Variants in FSTL4 observed in about 807,000 individuals in gnomAD.
FSTL4 encodes the protein follistatin-related protein 4.
In FSTL4, 28 loss-of-function variants were observed where a neutral mutation model predicts 78.2. The observed-to-expected ratio is 0.36, with a 90% CI of 0.27 to 0.49. The LOEUF (loss-of-function observed/expected upper bound fraction) is 0.49. Ranked by LOEUF, FSTL4 falls within the 20% of genes least tolerant of loss-of-function variation. The pLI is 0.98. For synonymous variants in FSTL4, 422 were observed against 440.5 expected (o/e 0.96, Z 0.53); for missense variants, 922 against 1,084.9 (o/e 0.85, Z 2.11).
intron 2 of FSTL4, among the ~76,000 whole-genome samples, chr5:133,579,841 G>A (rs1760363439): frequency 6.6e-6 from 1 of 152,146 alleles, no homozygotes; most frequent in African/African-American, 2.4e-5. Flanking sequence ...ACAGAATTAG[G>A]GAGTCACAGA....
intron 3 of FSTL4, among the ~76,000 whole-genome samples, chr5:133,483,351 T>TG (rs2112860444): frequency 6.6e-6 from 1 of 152,288 alleles, no homozygotes; most frequent in East Asian, 1.9e-4. Context: ...GCAAAGGGCA[T>TG]GTGACAGAAG....
chr5:133,839,857 C>T, the FSTL4 span, among the ~76,000 whole-genome samples: 1 of 152,202 alleles, frequency 6.6e-6, no homozygotes, highest in Non-Finnish European at 1.5e-5. Context: ...TTTTAAAAGG[C>T]TTTTGTTTAC....
intron 6 of FSTL4, among the ~76,000 whole-genome samples, chr5:133,255,182 C>T (rs551955472): frequency 6.6e-6 from 1 of 152,312 alleles, no homozygotes; most frequent in African/African-American, 2.4e-5. Flanking sequence ...AGGGCTCAGC[C>T]AGACGCTGTG....
intron 3 of FSTL4, among the ~76,000 whole-genome samples, chr5:133,443,734 G>A (rs568473183): frequency 3.3e-4 from 50 of 152,276 alleles, no homozygotes; most frequent in African/African-American, 1.2e-3. Context: ...ACTGCCCATA[G>A]GGACCCTCCA....
the FSTL4 span, among the ~76,000 whole-genome samples, chr5:133,725,646 C>T: frequency 6.6e-5 from 10 of 152,220 alleles, no homozygotes; most frequent in Middle Eastern, 3.4e-3. Context: ...GGTAATAAAA[C>T]GTCATGATGG....
At chr5:133,496,200 T>C (rs1456703162) in intron 3 of FSTL4, among the ~76,000 whole-genome samples, 6 of 152,220 alleles carry the variant, frequency 3.9e-5, no homozygotes, top group Non-Finnish European at 7.3e-5. Context: ...GTAGAATGTA[T>C]GCAACTCTGT....
At chr5:133,303,069 T>C (rs1753583717) in intron 6 of FSTL4, among the ~76,000 whole-genome samples, 1 of 152,224 alleles carries the variant, frequency 6.6e-6, no homozygotes, top group South Asian at 2.1e-4. Context: ...TTTCCCTTTG[T>C]CCTTTTGTGC....
intron 7 of FSTL4, among the ~76,000 whole-genome samples, chr5:133,239,128 G>A (rs908800402): frequency 6.6e-6 from 1 of 152,212 alleles, no homozygotes; most frequent in African/African-American, 2.4e-5. Context: ...CTTAGCACCT[G>A]GGCCAGCAGC....
intron 4 of FSTL4, among the ~76,000 whole-genome samples, chr5:133,352,500 C>T (rs1051723540): frequency 2.0e-5 from 3 of 152,012 alleles, no homozygotes; most frequent in Non-Finnish European, 2.9e-5. Context: ...ACCTCAACCT[C>T]CTGGGCTCAA....
At position 133,298,290 on chromosome 5, in the gene FSTL4, C is replaced by T. The variant is rs182082581; in HGVS notation, c.727+14364G>A. On this transcript the variant is annotated intron_variant, in intron 6 of 15. Transcript: ENST00000265342. ...GTGGCTTCAGAGGCAAGCTCTGCAACACATGGTGAGCCCTGCAATGCTCTG... is the reference window on the plus strand; with the variant it reads ...GTGGCTTCAGAGGCAAGCTCTGCAATACATGGTGAGCCCTGCAATGCTCTG... Among the ~76,000 whole-genome samples the T allele has an allele frequency of 8.5e-5, 13 of 152,346 alleles. 1 individual carries two copies. In the East Asian group the frequency reaches 2.3e-3, roughly 27 times the overall value.
At chr5:133,630,708 G>A in the FSTL4 span, among the ~76,000 whole-genome samples, 208 of 152,246 alleles carry the variant, frequency 1.4e-3, 1 homozygote, top group African/African-American at 4.8e-3. Context: ...AAAGAACAAA[G>A]CTGGAGGCAT....
the FSTL4 span, among the ~76,000 whole-genome samples, chr5:133,701,468 AACACACACACAC>A: frequency 1.9e-4 from 24 of 129,084 alleles, no homozygotes; most frequent in Middle Eastern, 3.9e-3. Context: ...AAGACACAGA[AACACACACACAC>A]ACACACACAC....
chr5:133,264,825 T>A (rs535847387), intron 6 of FSTL4, among the ~76,000 whole-genome samples: 1 of 152,252 alleles, frequency 6.6e-6, no homozygotes, highest in South Asian at 2.1e-4. Flanking sequence ...CTGCCATCTG[T>A]CAGTTTGGAA....
chr5:133,293,667 A>G (rs79254133), intron 6 of FSTL4, among the ~76,000 whole-genome samples: 2,961 of 152,192 alleles, frequency 0.019, 97 homozygotes, highest in African/African-American at 0.068. Flanking sequence ...CCTACTGTAT[A>G]CCGGCCAGAT....
chr5:133,595,329 A>G (rs1163485920), intron 2 of FSTL4, among the ~76,000 whole-genome samples: 1 of 152,242 alleles, frequency 6.6e-6, no homozygotes, highest in Non-Finnish European at 1.5e-5. Context: ...TCCAGTGACT[A>G]TCTCCTGGGA....
At chr5:133,668,619 T>A in the FSTL4 span, among the ~76,000 whole-genome samples, 1 of 151,968 alleles carries the variant, frequency 6.6e-6, no homozygotes, top group African/African-American at 2.4e-5. Context: ...CTGACACTGG[T>A]TTCTGTTGCT....
chr5:133,494,427 A>T lies in FSTL4; in HGVS notation c.160+72759T>A, dbSNP rs10068487. 8.6e-3 allele frequency among the ~76,000 whole-genome samples: 1,312 copies of T among 151,790 alleles called. 23 individuals carry two copies. Among genetic ancestry groups the T allele is most frequent in the African/African-American group, 0.03 (1,234 of 41,322 alleles). ...TCCTTAAAAGCTTTCCAAGTCTAGC[A>T]TCACACAGGAGTGAGCTCACTGAAT... is the stretch of plus-strand genomic sequence containing the variant. On this transcript the variant is annotated intron_variant, in intron 3 of 15. Transcript: ENST00000265342.
At chr5:133,520,924 T>C (rs1390529177) in intron 3 of FSTL4, among the ~76,000 whole-genome samples, 3 of 152,100 alleles carry the variant, frequency 2.0e-5, no homozygotes, top group Non-Finnish European at 2.9e-5. Flanking sequence ...TAGGCAAATA[T>C]TTCTCCTGCT....
At chr5:133,352,036 CT>C (rs750794416) in intron 4 of FSTL4, among the ~76,000 whole-genome samples, 6 of 150,254 alleles carry the variant, frequency 4.0e-5, no homozygotes, top group East Asian at 1.9e-4. Flanking sequence ...TTTTATTTTG[CT>C]TTTTTTTGTT....
Sources: allele counts gnomAD v4.1 joint callset (sites outside exome capture counted in the v4.1 genomes callset), GRCh38; gene constraint gnomAD v4.1.1; transcripts MANE v1.5; gene names NCBI Gene and HGNC (gene_info 2026-07-23, HGNC 2026-07-21).